KIAA1671: variants seen among roughly 807,000 people sequenced by gnomAD.
KIAA1671 encodes the protein KIAA1671, also known as uncharacterized protein KIAA1671.
Under a neutral mutation model 131.2 loss-of-function variants are expected in KIAA1671, and 52 were observed. The ratio of observed to expected loss-of-function variants is 0.40; its 90% CI spans 0.32 to 0.50. KIAA1671 has a LOEUF of 0.50. Among genes scored for constraint, KIAA1671 ranks in the 20% least tolerant of loss-of-function variants. KIAA1671 has a pLI of 0.73. For missense variants in KIAA1671, 2,360 were observed against 2,364.2 expected, an observed-to-expected ratio of 1.00 and a Z score of 0.04; for synonymous variants, 1,003 against 961.6, an observed-to-expected ratio of 1.04 and a Z score of -0.80.
At chr22:25,127,958 G>C (rs1932262080) in intron 6 of KIAA1671, among the ~76,000 whole-genome samples, 2 of 152,224 alleles carry the variant, frequency 1.3e-5, no homozygotes, top group African/African-American at 4.8e-5. Context: ...GGGTGGAGGA[G>C]GAGACAACAG....
chr22:25,135,699 A>G (rs1017862471), intron 6 of KIAA1671, among the ~76,000 whole-genome samples: 5 of 152,294 alleles, frequency 3.3e-5, no homozygotes, highest in East Asian at 3.9e-4. Context: ...TCTGCCCCTC[A>G]CGTGGCTGTC....
At chr22:25,090,493 A>T (rs541421611) in intron 6 of KIAA1671, among the ~76,000 whole-genome samples, 2 of 152,170 alleles carry the variant, frequency 1.3e-5, no homozygotes, top group South Asian at 4.1e-4. Flanking sequence ...TGAAATCTCA[A>T]ATGTCTCCCA....
chr22:25,089,266 ATTTTTTTT>A (rs34941122), intron 6 of KIAA1671, among the ~76,000 whole-genome samples: 70 of 89,268 alleles, frequency 7.8e-4, no homozygotes, highest in Non-Finnish European at 1.3e-3. Flanking sequence ...TGTGTGTTTA[ATTTTTTTT>A]TTTTTTTTTT....
chr22:25,083,960 G>C (rs1929551463), intron 6 of KIAA1671, among the ~76,000 whole-genome samples: 1 of 152,234 alleles, frequency 6.6e-6, no homozygotes, highest in Non-Finnish European at 1.5e-5. Flanking sequence ...CCCAGTGAAA[G>C]CCGCCTTTGT....
intron 1 of KIAA1671, among the ~76,000 whole-genome samples, chr22:24,994,873 C>T (rs576993973): frequency 6.4e-4 from 97 of 152,072 alleles, no homozygotes; most frequent in Non-Finnish European, 2.1e-4. Context: ...GGCCTCTTTG[C>T]TTCCTTGCAT....
At chr22:25,148,905 C>T (rs1343687315) in intron 6 of KIAA1671, among the ~76,000 whole-genome samples, 1 of 152,194 alleles carries the variant, frequency 6.6e-6, no homozygotes, top group Non-Finnish European at 1.5e-5. Flanking sequence ...TCTTACAGTT[C>T]CTATAAATTT....
chr22:25,048,996 G>C (rs1299511831), intron 5 of KIAA1671: 1 of 510,984 alleles, frequency 2.0e-6, no homozygotes, highest in Non-Finnish European at 3.5e-6. Context: ...GAGGCTCAGA[G>C]AGGTTGAGGC....
chr22:25,005,804 A>T (rs1569204136), intron 1 of KIAA1671, among the ~76,000 whole-genome samples: 1 of 152,218 alleles, frequency 6.6e-6, no homozygotes, highest in Non-Finnish European at 1.5e-5. Context: ...TTGAGAAGGC[A>T]GAGAATGAAG....
At chr22:25,167,615 A>T (rs983709829) in intron 6 of KIAA1671, among the ~76,000 whole-genome samples, 5 of 152,074 alleles carry the variant, frequency 3.3e-5, no homozygotes, top group South Asian at 2.1e-4. Context: ...ATTTTCCGTT[A>T]CTCCTAAATG....
At chr22:25,138,644 C>A (rs1932759266) in intron 6 of KIAA1671, among the ~76,000 whole-genome samples, 1 of 152,202 alleles carries the variant, frequency 6.6e-6, no homozygotes. Flanking sequence ...TTGATATATT[C>A]ATTCATTTAT....
At position 24,959,366 on chromosome 22, in the gene KIAA1671, A is replaced by T. The variant is rs115476812; in HGVS notation, c.-208+6594A>T. On this transcript the variant is annotated intron_variant, in intron 1 of 12. Transcript: ENST00000358431. ...ACTAAAAAAAAATAAAAATAAAATTAAAAAAAATTAGCTAGGCGTGATGGC... is the reference window on the plus strand; with the variant it reads ...ACTAAAAAAAAATAAAAATAAAATTTAAAAAAATTAGCTAGGCGTGATGGC... 9.9e-3 allele frequency among the ~76,000 whole-genome samples: 1,495 copies of T among 151,576 alleles called. 25 individuals are homozygous for T. The highest frequency in any genetic ancestry group is 0.034 in the African/African-American group (1,397 of 41,326).
rs1480120970 is a variant in KIAA1671 at position 25,197,095 on chromosome 22, T to G, written c.*4694T>G. 1 of 152,222 alleles carries G rather than the reference T, an allele frequency of 6.6e-6. No individual in the cohort carries two copies. The highest frequency in any genetic ancestry group is 1.5e-5 in the Non-Finnish European group (1 of 68,042). 9.4% of individuals were successfully genotyped at this position (152,222 alleles called of 1,614,324 possible). A position where few individuals can be genotyped will look rare whatever the true frequency, so the allele number is the denominator to read the frequency against. On this transcript the variant is annotated 3_prime_UTR_variant, in exon 13 of 13. Coordinates refer to ENST00000358431, the MANE Select transcript of KIAA1671 (RefSeq NM_001145206.2). ...GGAAAGTTAAGCTTCCTGCCTGCGG[T>G]GTTCTTGCAATTGCCTTAGGAATTC...
At position 25,007,640 on chromosome 22, in the gene KIAA1671, C is replaced by T. The variant is rs116955157; in HGVS notation, c.-207-17993C>T. On this transcript the variant is annotated intron_variant, in intron 1 of 12. Coordinates refer to ENST00000358431, the MANE Select transcript of KIAA1671 (RefSeq NM_001145206.2). ...TCTCCATAAGACATGTCCACCAGTG[C>T]CATGTCAGTTTATCGTTGCCATGGC... is the stretch of plus-strand genomic sequence containing the variant. Among the ~76,000 whole-genome samples, 1,158 of 152,246 alleles carry T rather than the reference C, an allele frequency of 7.6e-3. 11 individuals are homozygous for T. Among genetic ancestry groups the T allele is most frequent in the Non-Finnish European group, 0.012 (803 of 68,008 alleles).
chr22:25,173,164 G>T (rs1933907215), intron 7 of KIAA1671, among the ~76,000 whole-genome samples: 1 of 152,176 alleles, frequency 6.6e-6, no homozygotes, highest in South Asian at 2.1e-4. Context: ...CAGATCTTGT[G>T]AGAGCTCACT....
chr22:25,038,942 C>G lies in KIAA1671; in HGVS notation c.1812C>G (p.Asp604Glu). ...CTTCTGACGTCACTCCAGAGGATGA[C>G]CGGAGCTTCCAGACTGTGTGGGCCA... ...PCPSDVTPEDDRSFQTVWATV... is the reference protein window; with the variant it reads ...PCPSDVTPEDERSFQTVWATV... Residue 604 changes from aspartate to glutamate, a missense_variant, in exon 5 of 13, where the codon GAC becomes GAG. By Grantham distance (45) the Asp-to-Glu change is conservative. This residue lies in a region of KIAA1671 where 1,185 missense variants were observed against 1,126.2 expected (regional missense o/e 1.05). Coordinates refer to ENST00000358431, the MANE Select transcript of KIAA1671 (RefSeq NM_001145206.2). 6.4e-7 allele frequency: 1 copy of G among 1,551,746 alleles called. No individual in the cohort carries two copies. The highest frequency in any genetic ancestry group is 1.2e-5 in the South Asian group (1 of 84,054).
chr22:25,053,075 G>T (rs1927626104), intron 6 of KIAA1671: 1 of 152,152 alleles, frequency 6.6e-6, no homozygotes, highest in African/African-American at 2.4e-5. Flanking sequence ...CCAAAGAGCT[G>T]ATGGGAAAGA....
rs73882019 is a variant in KIAA1671 at position 25,171,026 on chromosome 22, G to T, written c.4649+88G>T. On this transcript the variant is annotated intron_variant, in intron 7 of 12. Coordinates refer to ENST00000358431, the MANE Select transcript of KIAA1671 (RefSeq NM_001145206.2). Reference sequence around the variant, plus strand: ...CCACCCACCTCCTGATTTCTATATTGCTAAAACCTCCAGTCTGTAATTATA... The same window carrying T: ...CCACCCACCTCCTGATTTCTATATTTCTAAAACCTCCAGTCTGTAATTATA... 3,589 of 988,626 alleles carry T rather than the reference G, an allele frequency of 3.6e-3. 87 individuals are homozygous for T. In the African/African-American group the frequency reaches 0.048, roughly 13 times the overall value. 61.2% of individuals were successfully genotyped at this position (988,626 alleles called of 1,614,324 possible). A position where few individuals can be genotyped will look rare whatever the true frequency, so the allele number is the denominator to read the frequency against.
intron 6 of KIAA1671, chr22:25,053,420 C>T (rs1927651781): frequency 2.0e-5 from 3 of 152,184 alleles, no homozygotes; most frequent in Admixed American, 2.0e-4. Context: ...TCACAGTTTA[C>T]CCTGGAGGCC....
At chr22:25,049,826 A>C (rs1927441010) in intron 6 of KIAA1671, 1 of 153,296 alleles carries the variant, frequency 6.5e-6, no homozygotes, top group Non-Finnish European at 1.5e-5. Flanking sequence ...TAACACATTT[A>C]GGAACTGACA....
Sources: gnomAD v4.1 joint callset for allele counts (sites outside exome capture counted in the v4.1 genomes callset) on GRCh38, gnomAD v4.1.1 for gene constraint, gnomAD v4.1.1 regional missense constraint, MANE v1.5 for transcripts, NCBI Gene and HGNC (gene_info 2026-07-23, HGNC 2026-07-21) for gene names.